Variants in ZBBX observed in about 807,000 individuals in gnomAD.
The protein encoded by ZBBX is zinc finger B-box domain-containing protein 1.
ZBBX carries 101 observed loss-of-function variants against 108.5 expected under a neutral mutation model. The ratio of observed to expected loss-of-function variants is 0.93; its 90% confidence interval spans 0.79 to 1.10. The LOEUF is 1.10. Ranked by LOEUF, ZBBX falls within the 50% of genes least tolerant of loss-of-function variation. ZBBX has a pLI of 0.00. For synonymous variants in ZBBX, 356 were observed against 323.4 expected (o/e 1.10, Z -1.08); for missense variants, 1,009 against 941.4 (o/e 1.07, Z -0.94).
At chr3:167,395,585 T>G (rs773457067) in intron 1 of ZBBX, among the ~76,000 whole-genome samples, 2 of 151,994 alleles carry the variant, frequency 1.3e-5, no homozygotes, top group African/African-American at 4.8e-5. Context: ...CAGGTTGTGA[T>G]GAGGTTCACA....
chr3:167,378,568 G>A (rs972710563), intron 2 of ZBBX, among the ~76,000 whole-genome samples: 1 of 152,120 alleles, frequency 6.6e-6, no homozygotes, highest in Non-Finnish European at 1.5e-5. Flanking sequence ...AACAAAAGGT[G>A]TCTGATTTGT....
intron 12 of ZBBX, among the ~76,000 whole-genome samples, chr3:167,319,582 C>A (rs549698998): frequency 6.6e-6 from 1 of 152,058 alleles, no homozygotes; most frequent in Admixed American, 6.6e-5. Context: ...AATAAATGAG[C>A]ACTATGGCCA....
chr3:167,265,320 C>T (rs75535396), intron 20 of ZBBX, among the ~76,000 whole-genome samples: 2,131 of 152,116 alleles, frequency 0.014, 26 homozygotes, highest in South Asian at 0.026. Context: ...ACTGGGTTCT[C>T]GTCCCTTCAA....
the ZBBX span, among the ~76,000 whole-genome samples, chr3:167,187,793 T>C: frequency 6.6e-6 from 1 of 152,084 alleles, no homozygotes; most frequent in Admixed American, 6.6e-5. Flanking sequence ...AATGTTGGAG[T>C]TGGACATAAC....
chr3:167,341,158 G>A (rs757316341), intron 9 of ZBBX, among the ~76,000 whole-genome samples: 1 of 151,720 alleles, frequency 6.6e-6, no homozygotes, highest in East Asian at 1.9e-4. Context: ...TTTCTATCTG[G>A]TTTTATTAAT....
chr3:167,265,841 G>A (rs1433505094), intron 20 of ZBBX, among the ~76,000 whole-genome samples: 1 of 152,210 alleles, frequency 6.6e-6, no homozygotes, highest in Non-Finnish European at 1.5e-5. Context: ...GCTGAGCCCA[G>A]CACAGCTTTA....
At position 167,305,816 on chromosome 3, in the gene ZBBX, T is replaced by C. The variant is rs1315452723; in HGVS notation, c.1552A>G (p.Lys518Glu). 6.2e-7 allele frequency: 1 copy of C among 1,612,618 alleles called. No homozygotes were observed. The highest frequency in any genetic ancestry group is 8.5e-7 in the Non-Finnish European group (1 of 1,179,372). ...EKNIGLESNQ[K>E]SDDSCVSLES... is the part of the protein sequence containing the mutation. The stretch of plus-strand genomic sequence containing the variant: ...AGTGATACACAGGAATCATCAGACT[T>C]TTGATTACTTTCTAAACCTATATTT... Residue 518 changes from lysine to glutamate, a missense_variant, in exon 17 of 22, where the codon AAG (lysine) becomes GAG (glutamate). Coordinates refer to ENST00000675490, the MANE Select transcript of ZBBX (RefSeq NM_001199201.2).
the ZBBX span, among the ~76,000 whole-genome samples, chr3:167,206,166 A>C: frequency 6.6e-6 from 1 of 151,866 alleles, no homozygotes; most frequent in Non-Finnish European, 1.5e-5. Context: ...TCCAGTGGCC[A>C]CCATTCTATT....
chr3:167,240,975 C>T, intron 21 of ZBBX, 56 bp from the exon 22 acceptor site: 1 of 1,585,662 alleles, frequency 6.3e-7, no homozygotes, highest in Non-Finnish European at 8.6e-7. Context: ...TTCAACTCTT[C>T]ATTTATCTTC....
intron 10 of ZBBX, among the ~76,000 whole-genome samples, chr3:167,330,941 T>TTCTTTCTCTCTCTCTC (rs1560136658): frequency 3.2e-4 from 4 of 12,578 alleles, no homozygotes; most frequent in Non-Finnish European, 7.1e-4. Context: ...TCTCCTCTCT[T>TTCTTTCTCTCTCTCTC]TCTTTCTCTC....
the ZBBX span, among the ~76,000 whole-genome samples, chr3:167,205,154 G>A: frequency 6.6e-6 from 1 of 152,028 alleles, no homozygotes; most frequent in Non-Finnish European, 1.5e-5. Context: ...TGTTATGTAG[G>A]GTGCAATTTG....
chr3:167,339,690 T>C (rs1740196110), intron 9 of ZBBX, among the ~76,000 whole-genome samples: 1 of 152,166 alleles, frequency 6.6e-6, no homozygotes, highest in African/African-American at 2.4e-5. Context: ...CCAGGATACA[T>C]GTGCAGAATG....
the ZBBX span, among the ~76,000 whole-genome samples, chr3:167,232,303 G>A: frequency 5.1e-4 from 78 of 151,712 alleles, no homozygotes; most frequent in Non-Finnish European, 6.9e-4. Context: ...AAGAATAATT[G>A]TTTCCAACTT....
rs560223759 is a variant in ZBBX, at chr3:167,281,267, T to C, written c.2254+971A>G. The stretch of plus-strand genomic sequence containing the variant: ...TTAAAGTATAATAATAATAAATAAA[T>C]AAATAAGTAAAAAATGATTCTCACT... On this transcript the variant is annotated intron_variant, in intron 20 of 21. Coordinates refer to ENST00000675490, the MANE Select transcript of ZBBX (RefSeq NM_001199201.2). 5.9e-5 allele frequency among the ~76,000 whole-genome samples: 9 copies of C among 152,182 alleles called. No individual in the cohort carries two copies. The South Asian group carries it at 1.5e-3, about 25-fold the overall frequency.
intron 20 of ZBBX, 125 bp downstream of exon 20, chr3:167,282,113 G>A (rs1467033811): frequency 9.6e-7 from 1 of 1,044,296 alleles, no homozygotes; most frequent in African/African-American, 1.6e-5. Flanking sequence ...AACGGTTGAT[G>A]GTTAAAGAAG....
intron 20 of ZBBX, among the ~76,000 whole-genome samples, chr3:167,253,121 T>A (rs1422525520): frequency 1.3e-5 from 2 of 152,124 alleles, no homozygotes; most frequent in Non-Finnish European, 2.9e-5. Context: ...AAAAGCAGAA[T>A]AATAAAAATA....
At chr3:167,389,762 C>T (rs1297706185) in intron 1 of ZBBX, among the ~76,000 whole-genome samples, 1 of 152,084 alleles carries the variant, frequency 6.6e-6, no homozygotes, top group Non-Finnish European at 1.5e-5. Flanking sequence ...TTTTTGGCCA[C>T]ACAAATATCT....
In ZBBX at chr3:167,314,029, G is replaced by T. The variant is rs1735030520; in HGVS notation, c.1362C>A (p.Asp454Glu). ...QHHVFDKGKRDFLNLCLRNSS... is the reference protein window; with the variant it reads ...QHHVFDKGKREFLNLCLRNSS... ...TGTTTCTCAGACAAAGATTTAAGAA[G>T]TCTCTCTTTCCCTTATCGAAAACAT... The change falls in exon 16 of 22, where the codon GAC becomes GAA. Residue 454 changes from aspartate to glutamate, a missense_variant. By Grantham distance (45) the Asp-to-Glu change is conservative (BLOSUM62 2). Coordinates refer to ENST00000675490, the MANE Select transcript of ZBBX (RefSeq NM_001199201.2). The T allele has an allele frequency of 1.2e-6, 2 of 1,606,060 alleles. No homozygotes were observed. The highest frequency in any genetic ancestry group is 2.7e-5 in the African/African-American group (2 of 74,596).
chr3:167,352,671 A>G (rs1335905250), intron 8 of ZBBX, among the ~76,000 whole-genome samples: 1 of 151,970 alleles, frequency 6.6e-6, no homozygotes, highest in East Asian at 1.9e-4. Context: ...CAAGGACACA[A>G]TAAAACTTAA....
Sources: allele counts gnomAD v4.1 joint callset (sites outside exome capture counted in the v4.1 genomes callset), GRCh38; gene constraint gnomAD v4.1.1; transcripts MANE v1.5; gene names NCBI Gene and HGNC (gene_info 2026-07-23, HGNC 2026-07-21).